Variants in SLCO2A1 observed in about 807,000 individuals in gnomAD.
The protein encoded by SLCO2A1 is matrin F/G 1.
A neutral mutation model predicts 71.7 loss-of-function variants in SLCO2A1; 60 were observed. The observed-to-expected ratio is 0.84, with a 90% CI of 0.68 to 1.04. The LOEUF (loss-of-function observed/expected upper bound fraction) is 1.04. Among genes scored for constraint, SLCO2A1 ranks in the 50% least tolerant of loss-of-function variants. The pLI is 0.00. For synonymous variants in SLCO2A1, 308 were observed against 326.7 expected, an observed-to-expected ratio of 0.94 and a Z score of 0.62; for missense variants, 745 against 813.4, an observed-to-expected ratio of 0.92 and a Z score of 1.02.
chr3:133,968,843 T>C (rs1220929059), intron 3 of SLCO2A1, among the ~76,000 whole-genome samples: 1 of 152,236 alleles, frequency 6.6e-6, no homozygotes, highest in African/African-American at 2.4e-5. Context: ...GCTCGTTTTT[T>C]CTCTAAAGGC....
At chr3:133,990,783 G>A (rs1934823141) in intron 1 of SLCO2A1, among the ~76,000 whole-genome samples, 1 of 152,150 alleles carries the variant, frequency 6.6e-6, no homozygotes. Context: ...ACTCAGAAGG[G>A]TGACTCCTGG....
intron 3 of SLCO2A1, among the ~76,000 whole-genome samples, chr3:133,965,140 G>C (rs777020325): frequency 1.8e-4 from 28 of 152,308 alleles, no homozygotes; most frequent in African/African-American, 3.1e-4. Flanking sequence ...AAAAAAAACC[G>C]TTAGCGGAGC....
intron 1 of SLCO2A1, among the ~76,000 whole-genome samples, chr3:133,996,704 T>G (rs1934974378): frequency 6.6e-6 from 1 of 152,136 alleles, no homozygotes; most frequent in Non-Finnish European, 1.5e-5. Context: ...TTCCAAGACC[T>G]CATCATTCCA....
rs182792206 is a variant in SLCO2A1 at position 133,960,664 on chromosome 3, T to A, written c.398-5471A>T. ...GCACAGCATTGTGAACGTACCTTAA[T>A]GCCACTGAACTATACACTTAAAAGT... On this transcript the variant is annotated intron_variant, in intron 3 of 13. Coordinates refer to ENST00000310926, the MANE Select transcript of SLCO2A1 (RefSeq NM_005630.3). Among the ~76,000 whole-genome samples, 16 of 152,368 alleles carry A rather than the reference T, an allele frequency of 1.1e-4. 1 individual carries two copies. The highest frequency in any genetic ancestry group is 2.2e-4 in the Non-Finnish European group (15 of 68,036).
rs1264973810 is a variant in SLCO2A1, at chr3:133,947,351, T to C, written c.1200A>G (p.Ile400Met). The change falls in exon 9 of 14, where the codon ATA (isoleucine) becomes ATG (methionine). Residue 400 changes from isoleucine (I) to methionine (M), a missense_variant. Transcript: ENST00000310926. ...FVFSLQAIPR[I>M]ATTIITISMI... ...TGGAGATGGTGATGATGGTGGTAGC[T>C]ATGCGGGGAATGGCTTGTAGAGAGA... The C allele has an allele frequency of 2.5e-6, 4 of 1,614,052 alleles. No individual in the cohort carries two copies. The African/African-American group carries it at 5.3e-5, about 22-fold the overall frequency.
intron 1 of SLCO2A1, among the ~76,000 whole-genome samples, chr3:134,001,312 T>C (rs1935099570): frequency 6.6e-6 from 1 of 152,150 alleles, no homozygotes; most frequent in Non-Finnish European, 1.5e-5. Flanking sequence ...GGTCTCACCA[T>C]GTTGGCCAGG....
At chr3:134,016,994 G>A (rs1008364834) in intron 1 of SLCO2A1, among the ~76,000 whole-genome samples, 6 of 152,232 alleles carry the variant, frequency 3.9e-5, no homozygotes, top group Non-Finnish European at 7.3e-5. Flanking sequence ...AGATTATACA[G>A]GTGGAGGACA....
intron 3 of SLCO2A1, among the ~76,000 whole-genome samples, chr3:133,960,107 G>A (rs542527999): frequency 2.7e-3 from 413 of 151,302 alleles, no homozygotes; most frequent in African/African-American, 9.4e-3. Context: ...GTGACAGAGC[G>A]AGACTCCGTC....
At chr3:133,942,219 C>T (rs1176517582) in intron 11 of SLCO2A1, 1 of 157,594 alleles carries the variant, frequency 6.3e-6, no homozygotes, top group Non-Finnish European at 1.4e-5. Flanking sequence ...GTCTTGAACT[C>T]CTGACCTCAG....
chr3:133,956,014 T>C (rs1933890275), intron 3 of SLCO2A1, among the ~76,000 whole-genome samples: 2 of 152,174 alleles, frequency 1.3e-5, no homozygotes, highest in African/African-American at 2.4e-5. Flanking sequence ...TCCATGCCTC[T>C]GTTTTTAATT....
intron 1 of SLCO2A1, among the ~76,000 whole-genome samples, chr3:134,019,565 C>G (rs1448678061): frequency 1.3e-5 from 2 of 152,136 alleles, no homozygotes; most frequent in African/African-American, 4.8e-5. Flanking sequence ...GTTTACAAAG[C>G]CTTTTTCCTA....
At chr3:133,957,411 A>G (rs1933924244) in intron 3 of SLCO2A1, among the ~76,000 whole-genome samples, 1 of 152,142 alleles carries the variant, frequency 6.6e-6, no homozygotes, top group Non-Finnish European at 1.5e-5. Flanking sequence ...TCTCCTGCTC[A>G]CAGGGGTTAC....
At chr3:133,968,447 C>G (rs1934241412) in intron 3 of SLCO2A1, among the ~76,000 whole-genome samples, 1 of 152,188 alleles carries the variant, frequency 6.6e-6, no homozygotes, top group Non-Finnish European at 1.5e-5. Flanking sequence ...GCTCCCCGGC[C>G]CTGTGCCTTC....
chr3:133,964,746 G>A (rs1934124310), intron 3 of SLCO2A1, among the ~76,000 whole-genome samples: 1 of 152,226 alleles, frequency 6.6e-6, no homozygotes, highest in South Asian at 2.1e-4. Flanking sequence ...GGGGGCCCTA[G>A]GGAAAATGCC....
At chr3:133,952,624 C>T (rs1038637288) in intron 5 of SLCO2A1, among the ~76,000 whole-genome samples, 3 of 152,230 alleles carry the variant, frequency 2.0e-5, no homozygotes, top group Admixed American at 2.0e-4. Flanking sequence ...GGCTGGCTCC[C>T]TGAATGGTTA....
chr3:133,936,953 A>C (rs1037447474), intron 12 of SLCO2A1, among the ~76,000 whole-genome samples: 3 of 152,206 alleles, frequency 2.0e-5, no homozygotes, highest in Admixed American at 1.3e-4. Context: ...TGTAATAGGA[A>C]GTCCTTTTTT....
chr3:133,946,285 C>T (rs944170387), intron 9 of SLCO2A1, among the ~76,000 whole-genome samples: 1 of 151,098 alleles, frequency 6.6e-6, no homozygotes, highest in African/African-American at 2.4e-5. Context: ...GGTACAGCAT[C>T]TCCAAATGTT....
intron 1 of SLCO2A1, among the ~76,000 whole-genome samples, chr3:134,013,092 A>G (rs1413593251): frequency 1.3e-5 from 2 of 152,224 alleles, no homozygotes; most frequent in Non-Finnish European, 2.9e-5. Flanking sequence ...AAGTATAAAC[A>G]GCAACACCTA....
chr3:133,955,525 G>A (rs1020631255), intron 3 of SLCO2A1: 9 of 319,458 alleles, frequency 2.8e-5, no homozygotes, highest in Non-Finnish European at 5.2e-5. Context: ...GGAGAAGTCA[G>A]TACCTTCATC....
Sources: gnomAD v4.1 joint callset for allele counts (sites outside exome capture counted in the v4.1 genomes callset) on GRCh38, gnomAD v4.1.1 for gene constraint, MANE v1.5 for transcripts, NCBI Gene and HGNC (gene_info 2026-07-23, HGNC 2026-07-21) for gene names.